Variants in TMEM135 observed in about 807,000 individuals in gnomAD.
TMEM135 encodes the protein transmembrane protein 135, also known as peroxisomal membrane protein 52.
TMEM135 carries 30 observed loss-of-function variants against 60.3 expected under a neutral mutation model. That is an observed-to-expected ratio of 0.50 (90% confidence interval 0.37 to 0.68). TMEM135 has a LOEUF of 0.68. TMEM135 is among the 30% of genes least tolerant of loss of function. The pLI is 0.00. For missense variants in TMEM135, 468 were observed against 548.8 expected (o/e 0.85, Z 1.47); for synonymous variants, 190 against 186.7 (o/e 1.02, Z -0.14).
chr11:87,076,074 G>A (rs1856865581), intron 3 of TMEM135, among the ~76,000 whole-genome samples: 1 of 152,142 alleles, frequency 6.6e-6, no homozygotes, highest in East Asian at 1.9e-4. Context: ...AAGCCCTAGG[G>A]CTCTATAATC....
chr11:87,154,988 T>TGGG (rs1938652672), intron 4 of TMEM135, among the ~76,000 whole-genome samples: 1 of 114,288 alleles, frequency 8.7e-6, no homozygotes, highest in Non-Finnish European at 2.0e-5. Context: ...GAAATCCAGT[T>TGGG]TTATTTATTT....
At chr11:87,249,147 G>A (rs1264563424) in intron 6 of TMEM135, among the ~76,000 whole-genome samples, 3 of 152,158 alleles carry the variant, frequency 2.0e-5, no homozygotes, top group Non-Finnish European at 4.4e-5. Flanking sequence ...AGTCATGAAA[G>A]TGGGCATCCC....
chr11:87,076,986 G>A (rs1856886648), intron 3 of TMEM135, among the ~76,000 whole-genome samples: 1 of 152,180 alleles, frequency 6.6e-6, no homozygotes, highest in Admixed American at 6.5e-5. Flanking sequence ...ACTTCATTCA[G>A]TATTCACTAA....
chr11:87,055,815 T>C (rs12289978), intron 1 of TMEM135, among the ~76,000 whole-genome samples: 23,260 of 151,996 alleles, frequency 0.15, 1,857 homozygotes, highest in Non-Finnish European at 0.17. Flanking sequence ...GTCTCGAACT[T>C]CTGACCTCAA....
intron 4 of TMEM135, among the ~76,000 whole-genome samples, chr11:87,148,036 G>C (rs1252436018): frequency 6.6e-6 from 1 of 152,180 alleles, no homozygotes; most frequent in Non-Finnish European, 1.5e-5. Context: ...GATTACAGGC[G>C]TGAGCCACCA....
chr11:87,298,037 A>G (rs1038275113), intron 7 of TMEM135, among the ~76,000 whole-genome samples: 1 of 152,254 alleles, frequency 6.6e-6, no homozygotes, highest in Non-Finnish European at 1.5e-5. Flanking sequence ...ATGTGAGTTA[A>G]TATGTGTGCT....
intron 4 of TMEM135, among the ~76,000 whole-genome samples, chr11:87,111,454 TG>T (rs1454841544): frequency 6.6e-6 from 1 of 151,740 alleles, no homozygotes. Context: ...GAGACCATCT[TG>T]GCTAACATGA....
chr11:87,203,758 T>A (rs566703963), intron 5 of TMEM135, among the ~76,000 whole-genome samples: 10 of 152,312 alleles, frequency 6.6e-5, no homozygotes, highest in African/African-American at 2.2e-4. Context: ...GGTAAAAATA[T>A]GTTTAATTTT....
chr11:87,319,468 T>C (rs1449554798), intron 14 of TMEM135, 91 bp downstream of exon 14: 1 of 926,966 alleles, frequency 1.1e-6, no homozygotes, highest in Non-Finnish European at 1.7e-6. Context: ...GGTATTTATA[T>C]ATAAATAAAA....
At chr11:87,155,712 A>G (rs1422818353) in intron 4 of TMEM135, among the ~76,000 whole-genome samples, 6 of 152,182 alleles carry the variant, frequency 3.9e-5, no homozygotes, top group Non-Finnish European at 7.4e-5. Flanking sequence ...CCAAGAGTGC[A>G]GGGTGAGATC....
intron 6 of TMEM135, among the ~76,000 whole-genome samples, chr11:87,266,217 A>G (rs1201022271): frequency 2.0e-5 from 3 of 152,118 alleles, no homozygotes; most frequent in Admixed American, 6.6e-5. Flanking sequence ...GCAAAGGGTA[A>G]TAATTTCATG....
At chr11:87,169,188 T>G (rs563727066) in intron 5 of TMEM135, among the ~76,000 whole-genome samples, 1 of 150,640 alleles carries the variant, frequency 6.6e-6, no homozygotes, top group South Asian at 2.1e-4. Flanking sequence ...TTTGAGCCTA[T>G]GTGTGTCTTT....
At chr11:87,223,663 G>GCA (rs1320732136) in intron 5 of TMEM135, among the ~76,000 whole-genome samples, 6,179 of 130,886 alleles carry the variant, frequency 0.047, 172 homozygotes, top group African/African-American at 0.047. Flanking sequence ...ATACGCACAT[G>GCA]CACGCACACA....
At position 87,260,749 on chromosome 11, in the gene TMEM135, A is replaced by G. The variant is rs546611715; in HGVS notation, c.509+24065A>G. 2.6e-5 allele frequency among the ~76,000 whole-genome samples: 4 copies of G among 152,140 alleles called. No individual in the cohort carries two copies. The South Asian group carries it at 8.3e-4, about 32-fold the overall frequency. On this transcript the variant is annotated intron_variant, in intron 6 of 14. Coordinates refer to ENST00000305494, the MANE Select transcript of TMEM135 (RefSeq NM_022918.4). ...AAGAAAGGTTTTTTTTTTTAATCAAATGAGGTATTTCTCTTTATTGATTCC... is the reference window on the plus strand; with the variant it reads ...AAGAAAGGTTTTTTTTTTTAATCAAGTGAGGTATTTCTCTTTATTGATTCC...
At chr11:87,237,659 T>TA (rs1941030451) in intron 6 of TMEM135, among the ~76,000 whole-genome samples, 1 of 152,038 alleles carries the variant, frequency 6.6e-6, no homozygotes, top group South Asian at 2.1e-4. Flanking sequence ...CCAGATGCTA[T>TA]TATCCTTTGT....
intron 4 of TMEM135, 84 bp downstream of exon 4, chr11:87,091,479 GA>G: frequency 7.5e-7 from 1 of 1,326,438 alleles, no homozygotes; most frequent in Non-Finnish European, 1.1e-6. Context: ...AGTAAAAGAG[GA>G]AAGCCACTTG....
chr11:87,231,431 A>G (rs1940887106), intron 5 of TMEM135, among the ~76,000 whole-genome samples: 1 of 152,208 alleles, frequency 6.6e-6, no homozygotes, highest in African/African-American at 2.4e-5. Flanking sequence ...TTACCTTAGT[A>G]ATGGGGAATA....
In TMEM135 at chr11:87,218,885, C is replaced by G. The variant is rs2135351488; in HGVS notation, c.463-17753C>G. Among the ~76,000 whole-genome samples, 3 of 152,204 alleles carry G rather than the reference C, an allele frequency of 2.0e-5. No individual in the cohort carries two copies. In the South Asian group the frequency reaches 6.2e-4, roughly 32 times the overall value. ...GCTAAGGCAGGAGAATCGCTTGAACCCAGGAGGCAGAGGTTGCAGTGAGCT... is the reference window on the plus strand; with the variant it reads ...GCTAAGGCAGGAGAATCGCTTGAACGCAGGAGGCAGAGGTTGCAGTGAGCT... On this transcript the variant is annotated intron_variant, in intron 5 of 14. Transcript: ENST00000305494.
chr11:87,308,940 G>A (rs117594067), intron 9 of TMEM135, among the ~76,000 whole-genome samples: 3,139 of 152,150 alleles, frequency 0.021, 36 homozygotes, highest in South Asian at 0.036. Flanking sequence ...GTTTTAGCCC[G>A]ACAGGAATGA....
Sources: allele counts gnomAD v4.1 joint callset (sites outside exome capture counted in the v4.1 genomes callset), GRCh38; gene constraint gnomAD v4.1.1; transcripts MANE v1.5; gene names NCBI Gene and HGNC (gene_info 2026-07-23, HGNC 2026-07-21).